TMEM230: variants seen among roughly 807,000 people sequenced by gnomAD.
TMEM230 encodes the protein transmembrane protein 230.
TMEM230 carries 10 observed loss-of-function variants against 15.8 expected under a neutral mutation model. The observed-to-expected ratio is 0.63, with a 90% CI of 0.39 to 1.07. The LOEUF (loss-of-function observed/expected upper bound fraction) is 1.07. Among genes scored for constraint, TMEM230 ranks in the 50% least tolerant of loss-of-function variants. TMEM230 has a pLI of 0.01. For synonymous variants in TMEM230, 67 were observed against 76.9 expected (o/e 0.87, Z 0.68); for missense variants, 165 against 193.3 (o/e 0.85, Z 0.87).
intron 3 of TMEM230, among the ~76,000 whole-genome samples, chr20:5,087,995 G>C (rs1234707552): frequency 9.1e-6 from 1 of 109,494 alleles, no homozygotes; most frequent in African/African-American, 3.4e-5. Flanking sequence ...ACCCAGCCAG[G>C]ATATACCTAA....
intron 4 of TMEM230, among the ~76,000 whole-genome samples, chr20:5,105,223 T>C (rs1404750871): frequency 6.6e-6 from 1 of 152,162 alleles, no homozygotes; most frequent in Non-Finnish European, 1.5e-5. Context: ...GAGCCGGAGT[T>C]TGCAGTGAGC....
At position 5,092,353 on chromosome 20, in the gene TMEM230, G is replaced by A. The variant is rs185016170; in HGVS notation, c.222+13835C>T. ...CTGTGGTTTCACTCCCCATTAAATGGGGAAAATACTTGGCATTTTCTGACA... is the reference window on the plus strand; with the variant it reads ...CTGTGGTTTCACTCCCCATTAAATGAGGAAAATACTTGGCATTTTCTGACA... On this transcript the variant is annotated intron_variant, in intron 3 of 3. Transcript: ENST00000612323. Among the ~76,000 whole-genome samples, 6 of 152,204 alleles carry A rather than the reference G, an allele frequency of 3.9e-5. No individual in the cohort carries two copies. The East Asian group carries it at 1.2e-3, about 29-fold the overall frequency.
downstream of TMEM230, among the ~76,000 whole-genome samples, chr20:5,065,210 G>A (rs531015067): frequency 1.5e-3 from 226 of 151,980 alleles, no homozygotes; most frequent in African/African-American, 5.0e-3. Flanking sequence ...ACCTGAGCTC[G>A]AGTTTGAGAA....
chr20:5,097,189 GCTC>G (rs1192871917), downstream of TMEM230, among the ~76,000 whole-genome samples: 3 of 152,166 alleles, frequency 2.0e-5, no homozygotes, highest in African/African-American at 4.8e-5. Flanking sequence ...TGCAACCTGT[GCTC>G]CTCATTACCC....
At chr20:5,085,838 AAT>A (rs1482558172) in intron 3 of TMEM230, among the ~76,000 whole-genome samples, 2 of 152,108 alleles carry the variant, frequency 1.3e-5, no homozygotes, top group African/African-American at 4.8e-5. Flanking sequence ...AGGACTCTCC[AAT>A]ATCTCACCTG....
At chr20:5,074,981 GT>G (rs200811214) in intron 3 of TMEM230, among the ~76,000 whole-genome samples, 3,278 of 150,790 alleles carry the variant, frequency 0.022, 138 homozygotes, top group African/African-American at 0.076. Flanking sequence ...AATGTTATAT[GT>G]TTTTTTACCA....
intron 3 of TMEM230, among the ~76,000 whole-genome samples, chr20:5,081,440 T>G (rs2089170837): frequency 6.6e-6 from 1 of 152,194 alleles, no homozygotes; most frequent in African/African-American, 2.4e-5. Flanking sequence ...GCAGCCCACA[T>G]GGTTCTCACG....
chr20:5,062,470 C>T, the TMEM230 span, among the ~76,000 whole-genome samples: 1,022 of 151,530 alleles, frequency 6.7e-3, 3 homozygotes, highest in Admixed American at 9.5e-3. Flanking sequence ...AATCAGTAGT[C>T]CTAGGTCGAG....
chr20:5,071,554 C>T (rs1162429777), intron 3 of TMEM230, among the ~76,000 whole-genome samples: 5 of 147,260 alleles, frequency 3.4e-5, no homozygotes, highest in South Asian at 2.2e-4. Flanking sequence ...ACCCGGACGG[C>T]GGAGGTTGCA....
downstream of TMEM230, chr20:5,066,296 C>T (rs966376895): frequency 6.6e-6 from 1 of 152,162 alleles, no homozygotes; most frequent in Admixed American, 6.6e-5. Context: ...ACATGAAGGG[C>T]TTTTTTGTCC....
At chr20:5,095,312 A>C (rs546523338), downstream of TMEM230, among the ~76,000 whole-genome samples, 56 of 152,260 alleles carry the variant, frequency 3.7e-4, no homozygotes, top group African/African-American at 1.3e-3. Flanking sequence ...ACAGAAATCG[A>C]AAGAAAACCT....
intron 1 of TMEM230, 108 bp downstream of exon 1, chr20:5,112,852 GC>G: frequency 6.5e-7 from 1 of 1,544,876 alleles, no homozygotes; most frequent in East Asian, 2.4e-5. Context: ...GGGGACGAAT[GC>G]CCCACACGGA....
At chr20:5,077,288 A>C (rs1213467374) in intron 3 of TMEM230, among the ~76,000 whole-genome samples, 1 of 152,102 alleles carries the variant, frequency 6.6e-6, no homozygotes, top group Admixed American at 6.5e-5. Context: ...AGCCTAGGCA[A>C]CAGAGCAAGA....
intron 3 of TMEM230, among the ~76,000 whole-genome samples, chr20:5,072,596 C>A (rs2122550577): frequency 6.6e-6 from 1 of 152,162 alleles, no homozygotes; most frequent in South Asian, 2.1e-4. Context: ...CGCCTGTAAT[C>A]CCAGCACTTT....
intron 2 of TMEM230, among the ~76,000 whole-genome samples, chr20:5,110,396 T>C (rs1009895044): frequency 3.3e-5 from 5 of 152,050 alleles, no homozygotes; most frequent in South Asian, 2.1e-4. Flanking sequence ...GCAATCCTCC[T>C]GCCTCAGCCT....
chr20:5,068,849 G>A (rs1244631969), exon 4 of TMEM230: 1 of 201,462 alleles, frequency 5.0e-6, no homozygotes, highest in Non-Finnish European at 1.0e-5. Flanking sequence ...GTGAGAATAT[G>A]AGCATCCCAG....
chr20:5,069,023 G>T, exon 4 of TMEM230: 1 of 638,558 alleles, frequency 1.6e-6, no homozygotes, highest in Non-Finnish European at 2.6e-6. Flanking sequence ...CCTTTGGCCT[G>T]CTCCTCTAGG....
At chr20:5,085,855 C>T (rs2089320680) in intron 3 of TMEM230, among the ~76,000 whole-genome samples, 1 of 152,114 alleles carries the variant, frequency 6.6e-6, no homozygotes, top group African/African-American at 2.4e-5. Context: ...CACCTGCCTG[C>T]ATCCTCTCCC....
At chr20:5,103,630 CA>C (rs141468437) in intron 4 of TMEM230, among the ~76,000 whole-genome samples, 19,702 of 122,096 alleles carry the variant, frequency 0.16, 3,855 homozygotes, top group African/African-American at 0.47. Context: ...GATTCTGTCT[CA>C]AAAAAAAAAA....
Sources: gnomAD v4.1 joint callset for allele counts (sites outside exome capture counted in the v4.1 genomes callset) on GRCh38, gnomAD v4.1.1 for gene constraint, MANE v1.5 for transcripts, NCBI Gene and HGNC (gene_info 2026-07-23, HGNC 2026-07-21) for gene names.